Variants in EBF1 observed in about 807,000 individuals in gnomAD.
EBF1 encodes the protein transcription factor COE1.
EBF1 carries 10 observed loss-of-function variants against 68.4 expected under a neutral mutation model. That is an observed-to-expected ratio of 0.15 (90% CI 0.09 to 0.25). The LOEUF (loss-of-function observed/expected upper bound fraction) is 0.25, where lower values mean the gene tolerates loss of function less well. Among genes scored for constraint, EBF1 ranks in the 10% least tolerant of loss-of-function variants. EBF1 has a pLI of 1.00. For missense variants in EBF1, 509 were observed against 794.4 expected, an observed-to-expected ratio of 0.64 and a Z score of 4.32; for synonymous variants, 298 against 299.8, an observed-to-expected ratio of 0.99 and a Z score of 0.06.
chr5:158,840,181 C>T (rs1427574525), intron 6 of EBF1, 71 bp from the exon 7 acceptor site: 2 of 1,167,494 alleles, frequency 1.7e-6, no homozygotes. Flanking sequence ...AGGTAAGTCA[C>T]CCCTGGGTTG....
chr5:158,804,988 C>G (rs531849931), intron 8 of EBF1, among the ~76,000 whole-genome samples: 3 of 152,172 alleles, frequency 2.0e-5, no homozygotes, highest in African/African-American at 7.2e-5. Flanking sequence ...TCACGTGCCT[C>G]TGATTATACA....
intron 6 of EBF1, among the ~76,000 whole-genome samples, chr5:158,970,525 C>G (rs79941703): frequency 0.012 from 1,834 of 152,248 alleles, 43 homozygotes; most frequent in African/African-American, 0.042. Context: ...TAATTATTCT[C>G]ATTATATTAC....
intron 10 of EBF1, among the ~76,000 whole-genome samples, chr5:158,746,656 A>C (rs566970561): frequency 6.6e-6 from 1 of 152,272 alleles, no homozygotes; most frequent in South Asian, 2.1e-4. Flanking sequence ...GGAAAAAAAA[A>C]GTGACCTTCC....
intron 10 of EBF1, among the ~76,000 whole-genome samples, chr5:158,749,864 C>T (rs1283376904): frequency 6.6e-6 from 1 of 152,102 alleles, no homozygotes; most frequent in African/African-American, 2.4e-5. Flanking sequence ...GGTAAACTAA[C>T]TCTCCCATGT....
At chr5:158,823,043 T>G in intron 8 of EBF1, 133 bp downstream of exon 8, 1 of 1,250,276 alleles carries the variant, frequency 8.0e-7, no homozygotes, top group Non-Finnish European at 1.1e-6. Flanking sequence ...GAAAAAACCC[T>G]AGAGGACCAA....
chr5:158,774,817 G>A (rs1476000495), intron 10 of EBF1, among the ~76,000 whole-genome samples: 1 of 152,128 alleles, frequency 6.6e-6, no homozygotes, highest in Non-Finnish European at 1.5e-5. Context: ...AAAGGTCCAT[G>A]TGTAGGTCAC....
At chr5:159,061,122 T>G (rs1775723347) in intron 6 of EBF1, among the ~76,000 whole-genome samples, 1 of 151,794 alleles carries the variant, frequency 6.6e-6, no homozygotes, top group Admixed American at 6.6e-5. Context: ...ATTTCTTAAT[T>G]ATTATTATTA....
intron 10 of EBF1, among the ~76,000 whole-genome samples, chr5:158,734,239 G>A (rs1764710523): frequency 6.6e-6 from 1 of 152,058 alleles, no homozygotes; most frequent in African/African-American, 2.4e-5. Flanking sequence ...TCTTTTTGCT[G>A]TGAATTTTCT....
chr5:158,797,586 T>A (rs1695704064), intron 8 of EBF1, among the ~76,000 whole-genome samples: 1 of 152,176 alleles, frequency 6.6e-6, no homozygotes, highest in Non-Finnish European at 1.5e-5. Flanking sequence ...GGCAAAAAAA[T>A]ATTTGGACTT....
intron 6 of EBF1, among the ~76,000 whole-genome samples, chr5:159,052,510 T>C (rs1435828699): frequency 6.6e-6 from 1 of 152,200 alleles, no homozygotes; most frequent in African/African-American, 2.4e-5. Context: ...TCGGGGTTTC[T>C]CTAAATCTGA....
intron 6 of EBF1, among the ~76,000 whole-genome samples, chr5:159,041,169 T>TAA: frequency 6.6e-6 from 1 of 152,322 alleles, no homozygotes; most frequent in Non-Finnish European, 1.5e-5. Flanking sequence ...CCCCAATGCC[T>TAA]TAATAAACTA....
chr5:158,877,119 A>G (rs1797955995), intron 6 of EBF1, among the ~76,000 whole-genome samples: 1 of 152,156 alleles, frequency 6.6e-6, no homozygotes, highest in Middle Eastern at 3.2e-3. Flanking sequence ...CTGCACCCAG[A>G]TTCACTTCAG....
At chr5:158,710,346 A>G (rs1758921514) in intron 14 of EBF1, among the ~76,000 whole-genome samples, 1 of 152,200 alleles carries the variant, frequency 6.6e-6, no homozygotes, top group Non-Finnish European at 1.5e-5. Flanking sequence ...AGAGCATTCC[A>G]AGCCCCTAAA....
chr5:158,850,311 T>C (rs562804844), intron 6 of EBF1, among the ~76,000 whole-genome samples: 1 of 152,218 alleles, frequency 6.6e-6, no homozygotes, highest in Admixed American at 6.5e-5. Context: ...TATCTATTTA[T>C]TCATTCAGTC....
intron 6 of EBF1, among the ~76,000 whole-genome samples, chr5:158,905,147 A>G (rs1194837651): frequency 1.3e-5 from 2 of 152,240 alleles, no homozygotes; most frequent in Non-Finnish European, 2.9e-5. Context: ...AGGATTATAG[A>G]GTTAGGCTAA....
At chr5:159,003,092 A>G (rs1324076686) in intron 6 of EBF1, among the ~76,000 whole-genome samples, 5 of 152,212 alleles carry the variant, frequency 3.3e-5, no homozygotes, top group Non-Finnish European at 5.9e-5. Context: ...CCTTTTATCA[A>G]GGGTTATTGC....
intron 6 of EBF1, among the ~76,000 whole-genome samples, chr5:159,012,874 G>A (rs1764947133): frequency 6.6e-6 from 1 of 152,150 alleles, no homozygotes; most frequent in Admixed American, 6.5e-5. Context: ...AATATGACTG[G>A]TGTCCTTATA....
intron 8 of EBF1, among the ~76,000 whole-genome samples, chr5:158,801,237 T>C (rs1780525424): frequency 6.6e-6 from 1 of 152,142 alleles, no homozygotes; most frequent in Non-Finnish European, 1.5e-5. Context: ...GTAGCTCTTC[T>C]TTGTTATAAT....
chr5:158,792,323 C>T (rs1460152345), intron 9 of EBF1, among the ~76,000 whole-genome samples: 5 of 152,146 alleles, frequency 3.3e-5, no homozygotes, highest in South Asian at 2.1e-4. Context: ...CTTGGGAGCT[C>T]GCAGAAGGCA....
Sources: allele counts gnomAD v4.1 joint callset (sites outside exome capture counted in the v4.1 genomes callset), GRCh38; gene constraint gnomAD v4.1.1; transcripts MANE v1.5; gene names NCBI Gene and HGNC (gene_info 2026-07-23, HGNC 2026-07-21).